Variants in PRKN observed in about 807,000 individuals in gnomAD.
PRKN encodes parkin RBR E3 ubiquitin protein ligase, also known as E3 ubiquitin-protein ligase parkin.
PRKN carries 56 observed loss-of-function variants against 59.5 expected under a neutral mutation model. The ratio of observed to expected loss-of-function variants is 0.94; its 90% CI spans 0.76 to 1.18. The LOEUF is 1.18. PRKN is among the 50% of genes most tolerant of loss of function. The pLI is 0.00. For missense variants in PRKN, 657 were observed against 596.4 expected (o/e 1.10, Z -1.06); for synonymous variants, 250 against 222.1 (o/e 1.13, Z -1.12).
At chr6:162,203,262 A>T (rs1431868906) in intron 3 of PRKN, among the ~76,000 whole-genome samples, 1 of 152,152 alleles carries the variant, frequency 6.6e-6, no homozygotes, top group Non-Finnish European at 1.5e-5. Flanking sequence ...TTCAGAAGTT[A>T]TTCAGAAAAT....
intron 9 of PRKN, among the ~76,000 whole-genome samples, chr6:161,434,987 T>G (rs1253072114): frequency 2.0e-5 from 3 of 152,288 alleles, no homozygotes; most frequent in South Asian, 2.1e-4. Flanking sequence ...TGAAATTTAC[T>G]GAAAGCCTTT....
At chr6:161,489,122 A>G (rs893499956) in intron 9 of PRKN, among the ~76,000 whole-genome samples, 118 of 151,346 alleles carry the variant, frequency 7.8e-4, no homozygotes, top group African/African-American at 2.7e-3. Flanking sequence ...GACATAATTC[A>G]CTCTCCTTCT....
At chr6:162,680,785 T>C (rs943533813) in intron 1 of PRKN, among the ~76,000 whole-genome samples, 3 of 152,214 alleles carry the variant, frequency 2.0e-5, no homozygotes, top group Admixed American at 6.5e-5. Context: ...CTGTAGGCTT[T>C]CTTTAAAGCA....
At chr6:162,633,290 C>G (rs1015745057) in intron 1 of PRKN, among the ~76,000 whole-genome samples, 1 of 151,618 alleles carries the variant, frequency 6.6e-6, no homozygotes, top group South Asian at 2.1e-4. Context: ...AAAAAATTAG[C>G]CAGGCATGGT....
intron 6 of PRKN, among the ~76,000 whole-genome samples, chr6:161,855,141 C>G (rs1793600832): frequency 6.6e-6 from 1 of 150,812 alleles, no homozygotes; most frequent in African/African-American, 2.4e-5. Flanking sequence ...ACAATGCACA[C>G]CTTGCACCAG....
intron 6 of PRKN, among the ~76,000 whole-genome samples, chr6:161,862,163 T>C (rs6935718): frequency 0.49 from 74,611 of 151,970 alleles, 18,702 homozygotes; most frequent in African/African-American, 0.56. Context: ...GCAAAGACGC[T>C]TTTTCCACAT....
intron 7 of PRKN, among the ~76,000 whole-genome samples, chr6:161,605,210 A>C (rs1366486951): frequency 6.6e-6 from 1 of 152,206 alleles, no homozygotes; most frequent in Non-Finnish European, 1.5e-5. Context: ...TGAGAATTTC[A>C]TATTAGATCA....
intron 1 of PRKN, among the ~76,000 whole-genome samples, chr6:162,595,101 G>A (rs957139492): frequency 2.6e-5 from 4 of 152,042 alleles, no homozygotes; most frequent in African/African-American, 9.7e-5. Flanking sequence ...GTGAACCTGA[G>A]AGGCAGAGCT....
At chr6:161,921,751 G>C (rs1778793652) in intron 6 of PRKN, among the ~76,000 whole-genome samples, 3 of 152,180 alleles carry the variant, frequency 2.0e-5, no homozygotes, top group Non-Finnish European at 4.4e-5. Flanking sequence ...GTAGCCTGTA[G>C]CTATAGGATG....
chr6:162,647,962 A>C lies in PRKN; in HGVS notation c.7+79700T>G, dbSNP rs977502742. On this transcript the variant is annotated intron_variant, in intron 1 of 11. Transcript: ENST00000366898. Reference sequence around the variant, plus strand: ...ATGTCCACAGTGCAAAAAAAAAAAAAAAAAAAAAAAAAAAAGTCTACGGGG... The same window carrying C: ...ATGTCCACAGTGCAAAAAAAAAAAACAAAAAAAAAAAAAAAGTCTACGGGG... 6.9e-4 allele frequency among the ~76,000 whole-genome samples: 103 copies of C among 149,910 alleles called. 2 individuals carry two copies. The highest frequency in any genetic ancestry group is 3.4e-3 in the Middle Eastern group (1 of 294).
chr6:162,446,639 A>C (rs1309771396), intron 1 of PRKN, among the ~76,000 whole-genome samples: 6 of 152,236 alleles, frequency 3.9e-5, no homozygotes. Context: ...TGGAAAGATA[A>C]ACCAAATACA....
chr6:161,883,318 A>G (rs1231650360), intron 6 of PRKN, among the ~76,000 whole-genome samples: 2 of 152,056 alleles, frequency 1.3e-5, no homozygotes, highest in Admixed American at 6.6e-5. Flanking sequence ...CCTGGCCAAC[A>G]TGGTGATACC....
In PRKN at chr6:161,348,792, G is replaced by T. The variant is rs1239997481; in HGVS notation, c.*1307C>A. On this transcript the variant is annotated 3_prime_UTR_variant, in exon 12 of 12. Transcript: ENST00000366898. This position sits in a 1 kb window ranked among gnomAD's most constrained non-coding sequence, Gnocchi z 4.9. ...GTCAGACAATACAGGTAGAACAAAAGATAGTGGTTGTACTTTCTCTTCTGC... is the reference window on the plus strand; with the variant it reads ...GTCAGACAATACAGGTAGAACAAAATATAGTGGTTGTACTTTCTCTTCTGC... 2 of 210,372 alleles carry T rather than the reference G, an allele frequency of 9.5e-6. No homozygotes were observed. Among genetic ancestry groups the T allele is most frequent in the Admixed American group, 5.9e-5 (1 of 16,976 alleles). 13.0% of individuals were successfully genotyped at this position (210,372 alleles called of 1,614,324 possible).
chr6:161,573,755 AAT>A (rs1225362601), intron 7 of PRKN, among the ~76,000 whole-genome samples: 349 of 30,344 alleles, frequency 0.012, 3 homozygotes, highest in Admixed American at 0.043. Context: ...AAAAAAAAAA[AAT>A]ATATATATAT....
intron 5 of PRKN, among the ~76,000 whole-genome samples, chr6:162,008,135 T>G (rs1175677913): frequency 3.3e-5 from 5 of 152,196 alleles, no homozygotes; most frequent in Non-Finnish European, 4.4e-5. Context: ...AAAGCTGAGC[T>G]GCAAAGTTTA....
intron 7 of PRKN, among the ~76,000 whole-genome samples, chr6:161,583,626 C>T (rs1365387294): frequency 6.6e-6 from 1 of 152,076 alleles, no homozygotes; most frequent in Non-Finnish European, 1.5e-5. Context: ...GAGACAGTCA[C>T]CAGTATTTTT....
At chr6:162,595,833 C>T (rs1781477945) in intron 1 of PRKN, among the ~76,000 whole-genome samples, 1 of 151,980 alleles carries the variant, frequency 6.6e-6, no homozygotes, top group African/African-American at 2.4e-5. Flanking sequence ...GTTACTAATG[C>T]TAATGTTAAT....
rs555799398 is a variant in PRKN at position 161,360,416 on chromosome 6, G to C, written c.1168-211C>G. On this transcript the variant is annotated intron_variant, in intron 10 of 11. Transcript: ENST00000366898. The surrounding 1 kb of genome is among the most constrained non-coding windows in gnomAD (Gnocchi z 5.1). ...CATGTGGCGTATGCGTAGGAGCGGGGAAGAGATTGTTTGGTTTTGTAGTGT... is the reference window on the plus strand; with the variant it reads ...CATGTGGCGTATGCGTAGGAGCGGGCAAGAGATTGTTTGGTTTTGTAGTGT... Among the ~76,000 whole-genome samples the C allele has an allele frequency of 6.6e-6, 1 of 152,352 alleles. No individual in the cohort carries two copies. The highest frequency in any genetic ancestry group is 2.4e-5 in the African/African-American group (1 of 41,582).
chr6:162,034,441 T>C (rs756971887), intron 5 of PRKN, among the ~76,000 whole-genome samples: 2 of 152,144 alleles, frequency 1.3e-5, no homozygotes, highest in East Asian at 1.9e-4. Flanking sequence ...TCTTCATAAA[T>C]TGATCCACAA....
Sources: gnomAD v4.1 joint callset for allele counts (sites outside exome capture counted in the v4.1 genomes callset) on GRCh38, gnomAD v4.1.1 for gene constraint, Gnocchi (gnomAD v3.1) non-coding constraint, MANE v1.5 for transcripts, NCBI Gene and HGNC (gene_info 2026-07-23, HGNC 2026-07-21) for gene names.